WDR48: variants seen among roughly 807,000 people sequenced by gnomAD.
WDR48 encodes the protein WD repeat domain 48.
WDR48 carries 22 observed loss-of-function variants against 94.0 expected under a neutral mutation model. That is an observed-to-expected ratio of 0.23 (90% CI 0.17 to 0.33). WDR48 has a LOEUF of 0.33. Among genes scored for constraint, WDR48 ranks in the 10% least tolerant of loss-of-function variants. The pLI, the probability that WDR48 is intolerant of heterozygous loss-of-function variation, is 1.00. For synonymous variants in WDR48, 278 were observed against 280.5 expected (o/e 0.99, Z 0.09); for missense variants, 541 against 813.8 (o/e 0.66, Z 4.08).
chr3:39,065,778 TA>T (rs2033566136), intron 2 of WDR48, 32 bp from the exon 3 acceptor site: 1 of 1,474,302 alleles, frequency 6.8e-7, no homozygotes, highest in Non-Finnish European at 9.3e-7. Flanking sequence ...CATTCTCTCA[TA>T]TAAACTCTTA....
At chr3:39,088,254 A>T in intron 15 of WDR48, 21 bp downstream of exon 15, 1 of 1,610,514 alleles carries the variant, frequency 6.2e-7, no homozygotes, top group Non-Finnish European at 8.5e-7. Flanking sequence ...GAAAGACAAG[A>T]GGTTCTGCCT....
intron 16 of WDR48, 114 bp downstream of exon 16, chr3:39,089,432 A>T: frequency 1.1e-6 from 1 of 869,940 alleles, no homozygotes; most frequent in Admixed American, 2.9e-5. Flanking sequence ...TCCCAAGTGG[A>T]ATCCCCATCT....
chr3:39,066,993 C>T lies in WDR48; in HGVS notation c.481+118C>T. The stretch of plus-strand genomic sequence containing the variant: ...GAGAGTGTTTCATATTTTGAGAGTG[C>T]TTCTACCTACAGCGTTCTGGCCCCC... On this transcript the variant is annotated intron_variant, in intron 5 of 18. Transcript: ENST00000302313. The T allele has an allele frequency of 3.3e-6, 4 of 1,227,516 alleles. No individual in the cohort carries two copies. In the South Asian group the frequency reaches 5.9e-5, roughly 18 times the overall value. The allele number at this position is 1,227,516 out of a possible 1,614,324, so 76.0% of individuals were successfully genotyped here. A position where few individuals can be genotyped will look rare whatever the true frequency, so the allele number is the denominator to read the frequency against.
At chr3:39,074,651 G>A in intron 7 of WDR48, 75 bp from the exon 8 acceptor site, 2 of 1,455,260 alleles carry the variant, frequency 1.4e-6, no homozygotes, top group Non-Finnish European at 1.9e-6. Flanking sequence ...TGTGGACTCG[G>A]GAGAAGTCAA....
intron 1 of WDR48, 21 bp from the exon 2 acceptor site, chr3:39,063,029 A>T: frequency 1.9e-6 from 3 of 1,613,638 alleles, no homozygotes; most frequent in Non-Finnish European, 2.5e-6. Flanking sequence ...TATAAAAAGC[A>T]TATGTTGACA....
At chr3:39,064,567 G>A (rs549215218) in intron 2 of WDR48, among the ~76,000 whole-genome samples, 1 of 152,230 alleles carries the variant, frequency 6.6e-6, no homozygotes, top group South Asian at 2.1e-4. Context: ...GAGCCACCGC[G>A]CCTGGCCAGA....
chr3:39,071,732 A>G (rs768017297), intron 7 of WDR48, among the ~76,000 whole-genome samples: 11 of 152,060 alleles, frequency 7.2e-5, no homozygotes, highest in Non-Finnish European at 1.3e-4. Context: ...TCTTCCACCC[A>G]TTTTCCTTAT....
chr3:39,064,664 T>C (rs1284669465), intron 2 of WDR48, among the ~76,000 whole-genome samples: 1 of 152,188 alleles, frequency 6.6e-6, no homozygotes, highest in Non-Finnish European at 1.5e-5. Context: ...CCAGCCCAAC[T>C]TGAAAACCCT....
chr3:39,074,080 G>A (rs1264350448), intron 7 of WDR48, among the ~76,000 whole-genome samples: 1 of 152,236 alleles, frequency 6.6e-6, no homozygotes, highest in Admixed American at 6.5e-5. Context: ...CAAGTTCCCA[G>A]GGGACGCTGA....
chr3:39,068,828 G>A lies in WDR48; in HGVS notation c.539G>A (p.Gly180Glu). The A allele has an allele frequency of 6.2e-7, 1 of 1,602,016 alleles. No homozygotes were observed. Among genetic ancestry groups the A allele is most frequent in the Non-Finnish European group, 8.5e-7 (1 of 1,171,732 alleles). Residue 180 changes from glycine (G) to glutamate (E), a missense_variant, in exon 6 of 19, where the codon GGA (glycine) becomes GAA (glutamate). Around this residue, in one of 5 missense-constraint regions of WDR48, gnomAD observed 104 missense variants for 189.7 expected, o/e 0.55. Coordinates refer to ENST00000302313, the MANE Select transcript of WDR48 (RefSeq NM_020839.4). ...TATAGCCTGGCCATGAATCAACTGG[G>A]AACAATCATTGTATCAGGGTCCACT... ...SIYSLAMNQL[G>E]TIIVSGSTEK...
intron 2 of WDR48, among the ~76,000 whole-genome samples, chr3:39,063,854 G>A (rs2033430432): frequency 6.6e-6 from 1 of 152,170 alleles, no homozygotes; most frequent in Non-Finnish European, 1.5e-5. Flanking sequence ...GAGCTGAGGT[G>A]GGAGGATCAC....
At chr3:39,082,107 G>A (rs561994331) in intron 11 of WDR48, among the ~76,000 whole-genome samples, 229 of 152,168 alleles carry the variant, frequency 1.5e-3, no homozygotes, top group African/African-American at 5.3e-3. Flanking sequence ...CTAAAATGTC[G>A]GGGGTGCCTA....
chr3:39,074,172 C>T (rs2034091098), intron 7 of WDR48, among the ~76,000 whole-genome samples: 1 of 152,162 alleles, frequency 6.6e-6, no homozygotes, highest in South Asian at 2.1e-4. Flanking sequence ...ACTCTATCTC[C>T]CTTAGTAGTA....
intron 15 of WDR48, among the ~76,000 whole-genome samples, chr3:39,088,981 A>G (rs1383795484): frequency 1.3e-5 from 2 of 152,132 alleles, no homozygotes; most frequent in Non-Finnish European, 2.9e-5. Flanking sequence ...GTTTCCTGTC[A>G]TCACCCAAGG....
At chr3:39,055,426 A>G (rs1328329124) in intron 1 of WDR48, among the ~76,000 whole-genome samples, 1 of 152,206 alleles carries the variant, frequency 6.6e-6, no homozygotes, top group Non-Finnish European at 1.5e-5. Context: ...CGGAGGTTGC[A>G]GTGGGCCGAG....
At position 39,094,673 on chromosome 3, in the gene WDR48, GA is replaced by G; in HGVS notation, c.1966del (p.Thr656GlnfsTer2). The G allele has an allele frequency of 6.2e-7, 1 of 1,614,054 alleles. No homozygotes were observed. Among genetic ancestry groups the G allele is most frequent in the Non-Finnish European group, 8.5e-7 (1 of 1,180,002 alleles). On this transcript the variant is annotated frameshift_variant, in exon 19 of 19. Coordinates refer to ENST00000302313, the MANE Select transcript of WDR48 (RefSeq NM_020839.4). LOFTEE classifies it high-confidence loss of function. ...GTTTTGGATCCAAATATGGACCTTC[GA>G]ACAGTGAAACACTTCATATGGAAGA... ...DQVLDPNMDL[R>X]TVKHFIWKSG...
chr3:39,061,905 T>C (rs1444463314), intron 1 of WDR48, among the ~76,000 whole-genome samples: 1 of 152,110 alleles, frequency 6.6e-6, no homozygotes, highest in African/African-American at 2.4e-5. Context: ...TTTTGAGAAG[T>C]GTCTGTTCAT....
chr3:39,091,476 G>C, intron 16 of WDR48, 149 bp from the exon 17 acceptor site: 1 of 577,438 alleles, frequency 1.7e-6, no homozygotes, highest in Non-Finnish European at 2.9e-6. Context: ...GGCTGACTTA[G>C]GTAATTTGAT....
rs753016180 is a variant in WDR48 at position 39,077,190 on chromosome 3, A to G, written c.949A>G (p.Thr317Ala). 4 of 1,614,170 alleles carry G rather than the reference A, an allele frequency of 2.5e-6. 1 individual carries two copies. Among genetic ancestry groups the G allele is most frequent in the South Asian group, 2.2e-5 (2 of 91,084 alleles). Reference protein sequence around the residue: ...DPPPAIWVATTKSTVNKWTLK... With the variant: ...DPPPAIWVATAKSTVNKWTLK... ...TCCTCCTGCAATTTGGGTTGCAACA[A>G]CTAAGTCTACAGTAAATAAATGGGT... Residue 317 changes from threonine (T) to alanine (A), a missense_variant, in exon 9 of 19, where the codon ACT becomes GCT. Around this residue, in one of 5 missense-constraint regions of WDR48, gnomAD observed 238 missense variants for 285.3 expected, o/e 0.83. Coordinates refer to ENST00000302313, the MANE Select transcript of WDR48 (RefSeq NM_020839.4).
Sources: allele counts gnomAD v4.1 joint callset (sites outside exome capture counted in the v4.1 genomes callset), GRCh38; gene constraint gnomAD v4.1.1; regional missense constraint gnomAD v4.1.1; transcripts MANE v1.5; gene names NCBI Gene and HGNC (gene_info 2026-07-23, HGNC 2026-07-21).